CALN1: variants seen among roughly 807,000 people sequenced by gnomAD.
The protein encoded by CALN1 is calneuron 1.
In CALN1, 17 loss-of-function variants were observed where a neutral mutation model predicts 30.6. The ratio of observed to expected loss-of-function variants is 0.56; its 90% CI spans 0.38 to 0.83. The LOEUF (loss-of-function observed/expected upper bound fraction) is 0.83. Ranked by LOEUF, CALN1 falls within the 40% of genes least tolerant of loss-of-function variation. CALN1 has a pLI of 0.00. For synonymous variants in CALN1, 156 were observed against 131.4 expected, an observed-to-expected ratio of 1.19 and a Z score of -1.28; for missense variants, 291 against 354.9, an observed-to-expected ratio of 0.82 and a Z score of 1.45.
intron 2 of CALN1, among the ~76,000 whole-genome samples, chr7:72,359,343 G>C (rs957371039): frequency 2.6e-5 from 4 of 151,974 alleles, no homozygotes; most frequent in Non-Finnish European, 5.9e-5. Flanking sequence ...TCCCCGTTTC[G>C]TCTTCCAGAT....
chr7:71,847,234 G>T (rs1790316831), intron 5 of CALN1, among the ~76,000 whole-genome samples: 1 of 152,020 alleles, frequency 6.6e-6, no homozygotes, highest in African/African-American at 2.4e-5. Flanking sequence ...ATCTTGAATT[G>T]TAGCTCCCAT....
At chr7:72,421,573 CTTTTTTTTTTTTT>C (rs772198450) in intron 1 of CALN1, among the ~76,000 whole-genome samples, 11 of 58,616 alleles carry the variant, frequency 1.9e-4, no homozygotes, top group African/African-American at 8.5e-4. Flanking sequence ...TTTTATCCTA[CTTTTTTTTTTTTT>C]TTTTTTTTTT....
At chr7:72,403,592 A>C (rs2129562164) in intron 1 of CALN1, 150 bp from the exon 2 acceptor site, 2 of 462,548 alleles carry the variant, frequency 4.3e-6, no homozygotes, top group Non-Finnish European at 7.7e-6. Context: ...ATATAATTAC[A>C]GTTGAGACAC....
At chr7:72,054,944 A>T (rs1046567301) in intron 4 of CALN1, among the ~76,000 whole-genome samples, 2 of 152,174 alleles carry the variant, frequency 1.3e-5, no homozygotes, top group Non-Finnish European at 2.9e-5. Flanking sequence ...AGAGCTAGAG[A>T]CTGGGAGGTA....
rs1204623515 is a variant in CALN1, at chr7:72,140,332, AAGGAAGGAAGGG to A, written c.245-34050_245-34039del. On this transcript the variant is annotated intron_variant, in intron 3 of 6. Transcript: ENST00000395275. ...GAAAGAGAGGAACAGAGAAAGGGAG[AAGGAAGGAAGGG>A]AGGGAGGGAGGGAGGGAGGGAGGGA... Among the ~76,000 whole-genome samples, 295 of 82,574 alleles carry A rather than the reference AAGGAAGGAAGGG, an allele frequency of 3.6e-3. 6 individuals are homozygous for A. Among genetic ancestry groups the A allele is most frequent in the East Asian group, 0.024 (57 of 2,382 alleles). The allele number at this position is 82,574 out of a possible 152,430, so 54.2% of individuals were successfully genotyped here.
At chr7:72,211,047 C>T (rs770954728) in intron 3 of CALN1, among the ~76,000 whole-genome samples, 6 of 151,994 alleles carry the variant, frequency 3.9e-5, no homozygotes, top group Non-Finnish European at 8.8e-5. Flanking sequence ...GAGCAAGACC[C>T]TATCTCTAAA....
At chr7:72,077,008 C>T (rs1018331039) in intron 4 of CALN1, among the ~76,000 whole-genome samples, 10 of 151,874 alleles carry the variant, frequency 6.6e-5, no homozygotes, top group African/African-American at 2.4e-4. Context: ...CCTCTTGCTA[C>T]AGCAAAACCA....
At chr7:72,117,864 A>T (rs534399720) in intron 3 of CALN1, among the ~76,000 whole-genome samples, 1 of 151,574 alleles carries the variant, frequency 6.6e-6, no homozygotes, top group African/African-American at 2.4e-5. Flanking sequence ...AGGCTGAGGC[A>T]GGAGAATTGC....
chr7:72,251,496 C>T (rs549708358), intron 3 of CALN1, among the ~76,000 whole-genome samples: 1 of 152,144 alleles, frequency 6.6e-6, no homozygotes, highest in South Asian at 2.1e-4. Context: ...CCTCCCTGGG[C>T]TTAAGCAGTC....
chr7:72,353,706 A>G (rs924460852), intron 2 of CALN1, among the ~76,000 whole-genome samples: 6 of 152,178 alleles, frequency 3.9e-5, no homozygotes, highest in Non-Finnish European at 7.4e-5. Flanking sequence ...AGCCAGTGAA[A>G]TAAGTCAATA....
intron 2 of CALN1, among the ~76,000 whole-genome samples, chr7:72,309,877 C>T (rs751950186): frequency 6.6e-6 from 1 of 152,132 alleles, no homozygotes; most frequent in Non-Finnish European, 1.5e-5. Flanking sequence ...ACTTAACCTG[C>T]GCTTCCCGCT....
intron 5 of CALN1, among the ~76,000 whole-genome samples, chr7:71,909,337 T>C (rs1794307356): frequency 6.6e-6 from 1 of 152,308 alleles, no homozygotes; most frequent in Middle Eastern, 3.4e-3. Context: ...CCATCTTTAT[T>C]TGTCGAATGT....
chr7:72,353,166 A>G (rs1803029374), intron 2 of CALN1, among the ~76,000 whole-genome samples: 1 of 152,180 alleles, frequency 6.6e-6, no homozygotes, highest in Non-Finnish European at 1.5e-5. Flanking sequence ...GAATTCTAAC[A>G]TTTAATGAAG....
At chr7:71,813,785 G>A (rs1353669462) in intron 5 of CALN1, among the ~76,000 whole-genome samples, 1 of 152,022 alleles carries the variant, frequency 6.6e-6, no homozygotes, top group Non-Finnish European at 1.5e-5. Flanking sequence ...AAAAAAATTA[G>A]CCGGGCATGG....
rs559573888 is a variant in CALN1 at position 71,784,771 on chromosome 7, T to C, written c.*3004A>G. Reference sequence around the variant, plus strand: ...GGAGGACAGAATGAGGGGTGAGCTATTCCCTCTCAATTCCTGCGGAAGTCA... The same window carrying C: ...GGAGGACAGAATGAGGGGTGAGCTACTCCCTCTCAATTCCTGCGGAAGTCA... On this transcript the variant is annotated 3_prime_UTR_variant, in exon 7 of 7. Coordinates refer to ENST00000395275, the MANE Select transcript of CALN1 (RefSeq NM_031468.4). The C allele has an allele frequency of 3.3e-5, 13 of 398,590 alleles. No homozygotes were observed. Among genetic ancestry groups the C allele is most frequent in the African/African-American group, 1.4e-4 (7 of 48,744 alleles). 24.7% of individuals were successfully genotyped at this position (398,590 alleles called of 1,614,324 possible).
chr7:71,992,663 CTTAACTT>C (rs1225594016), intron 5 of CALN1, among the ~76,000 whole-genome samples: 4 of 152,214 alleles, frequency 2.6e-5, no homozygotes, highest in Non-Finnish European at 5.9e-5. Flanking sequence ...CAGCAAAGAC[CTTAACTT>C]TTAACTTGAG....
In CALN1 at chr7:71,932,552, G is replaced by A. The variant is rs150101073; in HGVS notation, c.501+91105C>T. 5.3e-3 allele frequency among the ~76,000 whole-genome samples: 807 copies of A among 152,116 alleles called. 34 individuals carry two copies. In the South Asian group the frequency reaches 0.091, roughly 17 times the overall value. On this transcript the variant is annotated intron_variant, in intron 5 of 6. Transcript: ENST00000395275. ...ATATGTGCCGGGCAGGGTGGCTCAC[G>A]CCTGTAATCCCAGAACTTTCGGAGG... is the stretch of plus-strand genomic sequence containing the variant.
chr7:72,451,188 G>GAGAAGAAGAAGAAGAAGA (rs758368072), upstream of CALN1, among the ~76,000 whole-genome samples: 1 of 125,014 alleles, frequency 8.0e-6, no homozygotes, highest in African/African-American at 4.0e-5. Context: ...GCAGGAGGAG[G>GAGAAGAAGAAGAAGAAGA]AGAAGAAGAA....
intron 5 of CALN1, among the ~76,000 whole-genome samples, chr7:72,017,862 A>T (rs538588950): frequency 2.6e-5 from 4 of 152,266 alleles, no homozygotes; most frequent in South Asian, 4.1e-4. Context: ...GGTGTTCTTG[A>T]ACCTCACGGT....
Sources: gnomAD v4.1 joint callset for allele counts (sites outside exome capture counted in the v4.1 genomes callset) on GRCh38, gnomAD v4.1.1 for gene constraint, MANE v1.5 for transcripts, NCBI Gene and HGNC (gene_info 2026-07-23, HGNC 2026-07-21) for gene names.